Variants in SLC17A7 observed in about 807,000 individuals in gnomAD.
SLC17A7 encodes solute carrier family 17 member 7.
A neutral mutation model predicts 59.1 loss-of-function variants in SLC17A7; 15 were observed. That is an observed-to-expected ratio of 0.25 (90% CI 0.17 to 0.39). The LOEUF (loss-of-function observed/expected upper bound fraction) is 0.39, where lower values mean the gene tolerates loss of function less well. SLC17A7 is among the 10% of genes least tolerant of loss of function. SLC17A7 has a pLI of 1.00. For synonymous variants in SLC17A7, 353 were observed against 308.9 expected (o/e 1.14, Z -1.50); for missense variants, 499 against 765.1 (o/e 0.65, Z 4.10).
At position 49,430,279 on chromosome 19, in the gene SLC17A7, C is replaced by T. The variant is rs1469988694; in HGVS notation, c.*240G>A. ...GAGATTTGAAACCACTGAGGCAGAA[C>T]GGGTGGAGAGGGAACCTTTAGGGGA... On this transcript the variant is annotated 3_prime_UTR_variant, in exon 12 of 12. Transcript: ENST00000221485. 1.7e-5 allele frequency: 7 copies of T among 419,046 alleles called. No individual in the cohort carries two copies. Among genetic ancestry groups the T allele is most frequent in the Non-Finnish European group, 2.5e-5 (6 of 236,530 alleles). The allele number at this position is 419,046 out of a possible 1,614,324, so 26.0% of individuals were successfully genotyped here.
intron 2 of SLC17A7, 138 bp from the exon 3 acceptor site, chr19:49,435,424 C>T: frequency 1.5e-6 from 1 of 662,492 alleles, no homozygotes; most frequent in South Asian, 1.8e-5. Flanking sequence ...CCAATCAAAG[C>T]TCACACTATC....
rs1600983507 is a variant in SLC17A7, at chr19:49,431,825, G to A, written c.1151-377C>T. Among the ~76,000 whole-genome samples the A allele has an allele frequency of 1.3e-5, 2 of 150,956 alleles. No individual in the cohort carries two copies. The highest frequency in any genetic ancestry group is 6.6e-5 in the Admixed American group (1 of 15,154). On this transcript the variant is annotated intron_variant, in intron 9 of 11. Transcript: ENST00000221485. The surrounding 1 kb of genome is among the most constrained non-coding windows in gnomAD (Gnocchi z 4.6). ...TTTTGATTTTTTATTTTTTTTAAGA[G>A]ACAAAGTCTCACGACGTTGCCCAGG...
Position 49,436,038 on chromosome 19 carries a change from G to T in SLC17A7, c.315+511C>A. 1 of 159,728 alleles carries T rather than the reference G, an allele frequency of 6.3e-6. No homozygotes were observed. Among genetic ancestry groups the T allele is most frequent in the South Asian group, 1.7e-4 (1 of 5,742 alleles). 9.9% of individuals were successfully genotyped at this position (159,728 alleles called of 1,614,324 possible). On this transcript the variant is annotated intron_variant, in intron 2 of 11. Transcript: ENST00000221485. The surrounding 1 kb of genome is among the most constrained non-coding windows in gnomAD (Gnocchi z 4.1). ...GGTGCCACTGCACTCCAGCTTGGGC[G>T]ACAGAGCAATGGCCCCACTGCACCG...
intron 1 of SLC17A7, chr19:49,437,483 TA>T (rs1193355618): frequency 6.5e-6 from 1 of 152,850 alleles, no homozygotes; most frequent in Non-Finnish European, 1.4e-5. Context: ...ACGAAGAGGG[TA>T]TTTGGAGGGC....
In SLC17A7 at chr19:49,435,291, G is replaced by T; in HGVS notation, c.316-5C>A. 6.2e-7 allele frequency: 1 copy of T among 1,606,350 alleles called. No individual in the cohort carries two copies. The highest frequency in any genetic ancestry group is 8.5e-7 in the Non-Finnish European group (1 of 1,173,166). ...ATCCCAGCTGAACTGGGCTTTCTGC[G>T]GGCCAAAATGTACATTAAATCAGCC... is the stretch of plus-strand genomic sequence containing the variant. On this transcript the variant is annotated splice_region_variant and splice_polypyrimidine_tract_variant and intron_variant, in intron 2 of 11. Coordinates refer to ENST00000221485, the MANE Select transcript of SLC17A7 (RefSeq NM_020309.4).
chr19:49,436,436 GT>G lies in SLC17A7; in HGVS notation c.315+112del. Reference sequence around the variant, plus strand: ...GATTGGGCGGAGCTATTCCGACAGCGTTTCGGAAGGGGCGTGGCCTGGACGT... The same window carrying G: ...GATTGGGCGGAGCTATTCCGACAGCGTTCGGAAGGGGCGTGGCCTGGACGT... On this transcript the variant is annotated intron_variant, in intron 2 of 11. Transcript: ENST00000221485. The surrounding 1 kb of genome is among the most constrained non-coding windows in gnomAD (Gnocchi z 4.1). 6 of 1,404,102 alleles carry G rather than the reference GT, an allele frequency of 4.3e-6. No homozygotes were observed. The highest frequency in any genetic ancestry group is 5.8e-6 in the Non-Finnish European group (6 of 1,033,276). The allele number at this position is 1,404,102 out of a possible 1,614,324, so 87.0% of individuals were successfully genotyped here.
rs775745022 is a variant in SLC17A7, at chr19:49,433,764, C to T, written c.829G>A (p.Ala277Thr). 3.7e-6 allele frequency: 6 copies of T among 1,614,106 alleles called. No individual in the cohort carries two copies. The highest frequency in any genetic ancestry group is 3.3e-5 in the Admixed American group (2 of 60,008). The change falls in exon 7 of 12, where the codon GCC (alanine) becomes ACC (threonine). Residue 277 changes from alanine to threonine, a missense_variant. This residue lies in a region of SLC17A7 where 323 missense variants were observed against 607.2 expected (regional missense o/e 0.53). Transcript: ENST00000221485. This position sits in a 1 kb window ranked among gnomAD's most constrained non-coding sequence, Gnocchi z 5.7. Reference sequence around the variant, plus strand: ...ATGAGTTTCGCGCTCTCTCCGATGGCGTCCTCGATGTACTTGCGCTCCTCC... The same window carrying T: ...ATGAGTTTCGCGCTCTCTCCGATGGTGTCCTCGATGTACTTGCGCTCCTCC... ...SEEERKYIEDAIGESAKLMNP... is the reference protein window; with the variant it reads ...SEEERKYIEDTIGESAKLMNP...
Position 49,440,642 on chromosome 19 carries a change from C to T in SLC17A7, c.62+676G>A, listed in dbSNP as rs1034209554. 3.9e-5 allele frequency among the ~76,000 whole-genome samples: 6 copies of T among 152,328 alleles called. No individual in the cohort carries two copies. The South Asian group carries it at 8.3e-4, about 21-fold the overall frequency. On this transcript the variant is annotated intron_variant, in intron 1 of 11. Coordinates refer to ENST00000221485, the MANE Select transcript of SLC17A7 (RefSeq NM_020309.4). Reference sequence around the variant, plus strand: ...CCCAGCCTCACCCCCTCAAGGACAACGGGCTATGAGCCCCAATCCGCTTTA... The same window carrying T: ...CCCAGCCTCACCCCCTCAAGGACAATGGGCTATGAGCCCCAATCCGCTTTA...
At chr19:49,435,045 G>A (rs2078975090) in intron 3 of SLC17A7, 123 bp downstream of exon 3, 1 of 1,018,088 alleles carries the variant, frequency 9.8e-7, no homozygotes, top group East Asian at 2.4e-5. Flanking sequence ...CTTTCTCTAA[G>A]ACCCACCCCC....
At chr19:49,432,742 TC>T in intron 8 of SLC17A7, 68 bp downstream of exon 8, 1 of 1,599,140 alleles carries the variant, frequency 6.3e-7, no homozygotes. Flanking sequence ...CCTCCCTGCC[TC>T]GGGATCGCCG....
Position 49,435,273 on chromosome 19 carries a change from C to G in SLC17A7, c.329G>C (p.Ser110Thr). 6.2e-7 allele frequency: 1 copy of G among 1,613,438 alleles called. No homozygotes were observed. The change falls in exon 3 of 12, where the codon AGC becomes ACC. Residue 110 changes from serine to threonine, a missense_variant. By Grantham distance (58) the Ser-to-Thr change is moderately conservative (BLOSUM62 1). Around this residue, in one of 3 missense-constraint regions of SLC17A7, gnomAD observed 323 missense variants for 607.2 expected, o/e 0.53. Coordinates refer to ENST00000221485, the MANE Select transcript of SLC17A7 (RefSeq NM_020309.4). ...GHVVVQKAQF[S>T]WDPETVGLIH... The stretch of plus-strand genomic sequence containing the variant: ...GAGGCCGACAGTCTCTGGATCCCAG[C>G]TGAACTGGGCTTTCTGCGGGCCAAA...
rs2078981420 is a variant in SLC17A7 at position 49,436,764 on chromosome 19, C to G, written c.100G>C (p.Glu34Gln). ...EKRQEGAETL[E>Q]LSADGRPVTT... ...ACCGGGCGCCCATCCGCACTCAGCT[C>G]CAGCGTCTCCGCGCCTTCCTGCCGC... Residue 34 changes from glutamate (E) to glutamine (Q), a missense_variant, in exon 2 of 12, where the codon GAG becomes CAG. This residue lies in a region of SLC17A7 where 78 missense variants were observed against 80.4 expected (regional missense o/e 0.97). Coordinates refer to ENST00000221485, the MANE Select transcript of SLC17A7 (RefSeq NM_020309.4). This position sits in a 1 kb window ranked among gnomAD's most constrained non-coding sequence, Gnocchi z 4.1. 1.9e-6 allele frequency: 3 copies of G among 1,606,366 alleles called. No homozygotes were observed. The highest frequency in any genetic ancestry group is 2.5e-6 in the Non-Finnish European group (3 of 1,179,848).
chr19:49,436,232 A>C lies in SLC17A7; in HGVS notation c.315+317T>G, dbSNP rs906370464. On this transcript the variant is annotated intron_variant, in intron 2 of 11. Transcript: ENST00000221485. This position sits in a 1 kb window ranked among gnomAD's most constrained non-coding sequence, Gnocchi z 4.1. The stretch of plus-strand genomic sequence containing the variant: ...ATGAGCTTGGGGTACAGGCGTGAGC[A>C]AAATTGCTAGTAGGTCCAAAATGGG... 2.4e-6 allele frequency: 1 copy of C among 416,810 alleles called. No individual in the cohort carries two copies. The highest frequency in any genetic ancestry group is 2.0e-5 in the African/African-American group (1 of 50,582). 25.8% of individuals were successfully genotyped at this position (416,810 alleles called of 1,614,324 possible).
At position 49,436,400 on chromosome 19, in the gene SLC17A7, AG is replaced by A. The variant is rs2078979551; in HGVS notation, c.315+148del. 6 of 1,075,008 alleles carry A rather than the reference AG, an allele frequency of 5.6e-6. No individual in the cohort carries two copies. The Admixed American group carries it at 1.0e-4, about 18-fold the overall frequency. 66.6% of individuals were successfully genotyped at this position (1,075,008 alleles called of 1,614,324 possible). A position where few individuals can be genotyped will look rare whatever the true frequency, so the allele number is the denominator to read the frequency against. On this transcript the variant is annotated intron_variant, in intron 2 of 11. Transcript: ENST00000221485. This position sits in a 1 kb window ranked among gnomAD's most constrained non-coding sequence, Gnocchi z 4.1. ...GGCCCCTAAGGCGAGGTCAGAACTA[AG>A]GGGCGCACGGATTGGGCGGAGCTAT...
intron 1 of SLC17A7, chr19:49,437,134 G>A: frequency 2.4e-6 from 1 of 411,762 alleles, no homozygotes; most frequent in Non-Finnish European, 4.5e-6. Context: ...CCCCCACTCC[G>A]AGGCCCAAAG....
intron 5 of SLC17A7, 127 bp downstream of exon 5, chr19:49,434,475 G>C (rs2078973032): frequency 1.1e-6 from 1 of 894,322 alleles, no homozygotes; most frequent in Non-Finnish European, 1.6e-6. Context: ...TCCAGGTCCA[G>C]AGTCTCCTCC....
At chr19:49,440,319 T>C (rs1444714662) in intron 1 of SLC17A7, among the ~76,000 whole-genome samples, 1 of 152,132 alleles carries the variant, frequency 6.6e-6, no homozygotes, top group Non-Finnish European at 1.5e-5. Context: ...AGGGGCATGG[T>C]GCTGATGAGG....
intron 2 of SLC17A7, chr19:49,435,541 C>G (rs2078976866): frequency 2.5e-6 from 1 of 393,614 alleles, no homozygotes; most frequent in Admixed American, 4.1e-5. Context: ...TTGCCTGCTT[C>G]CTTGCCTCCA....
At position 49,431,329 on chromosome 19, in the gene SLC17A7, G is replaced by A. The variant is rs1396834393; in HGVS notation, c.1261+9C>T. On this transcript the variant is annotated intron_variant, in intron 10 of 11. Transcript: ENST00000221485. The surrounding 1 kb of genome is among the most constrained non-coding windows in gnomAD (Gnocchi z 4.6). ...AGAGTCCCCCAAGCTGCGGATCCGCGGTTCTCACCAGAGATGGCGAAGCCG... is the reference window on the plus strand; with the variant it reads ...AGAGTCCCCCAAGCTGCGGATCCGCAGTTCTCACCAGAGATGGCGAAGCCG... 1 of 1,613,322 alleles carries A rather than the reference G, an allele frequency of 6.2e-7. No individual in the cohort carries two copies. Among genetic ancestry groups the A allele is most frequent in the East Asian group, 2.2e-5 (1 of 44,876 alleles).
Sources: gnomAD v4.1 joint callset for allele counts (sites outside exome capture counted in the v4.1 genomes callset) on GRCh38, gnomAD v4.1.1 for gene constraint, gnomAD v4.1.1 regional missense constraint, Gnocchi (gnomAD v3.1) non-coding constraint, MANE v1.5 for transcripts, NCBI Gene and HGNC (gene_info 2026-07-23, HGNC 2026-07-21) for gene names.